Variants in EMSY observed in about 807,000 individuals in gnomAD.
The protein encoded by EMSY is BRCA2-interacting transcriptional repressor EMSY.
In EMSY, 26 loss-of-function variants were observed where a neutral mutation model predicts 134.6. The observed-to-expected ratio is 0.19, with a 90% confidence interval of 0.14 to 0.27. The LOEUF is 0.27. EMSY is among the 10% of genes least tolerant of loss of function. The pLI, the probability that EMSY is intolerant of heterozygous loss-of-function variation, is 1.00. For missense variants in EMSY, 1,305 were observed against 1,611.4 expected, an observed-to-expected ratio of 0.81 and a Z score of 3.26; for synonymous variants, 579 against 577.8, an observed-to-expected ratio of 1.00 and a Z score of -0.03.
At chr11:76,538,857 C>T (rs1261823999) in intron 16 of EMSY, among the ~76,000 whole-genome samples, 1 of 152,090 alleles carries the variant, frequency 6.6e-6, no homozygotes, top group Admixed American at 6.5e-5. Context: ...ACTCGGGAGG[C>T]TGAGTCACGA....
chr11:76,517,741 A>C (rs1476373371), intron 11 of EMSY, among the ~76,000 whole-genome samples: 2 of 152,226 alleles, frequency 1.3e-5, no homozygotes, highest in Admixed American at 6.5e-5. Context: ...ATTGAATTAT[A>C]AAACCATTCA....
intron 8 of EMSY, among the ~76,000 whole-genome samples, chr11:76,475,128 A>G (rs925854926): frequency 6.6e-6 from 1 of 152,148 alleles, no homozygotes; most frequent in Non-Finnish European, 1.5e-5. Flanking sequence ...CATGTTCCGA[A>G]TTCACCATTT....
At chr11:76,494,700 TTCCTTCCTTCCTTC>T (rs1949569698) in intron 8 of EMSY, among the ~76,000 whole-genome samples, 1 of 118,464 alleles carries the variant, frequency 8.4e-6, no homozygotes, top group South Asian at 3.4e-4. Context: ...CCTTCCTTCC[TTCCTTCCTTCCTTC>T]CTTCCTTCCT....
At chr11:76,523,704 C>CTTTTTTTTTTTTTTTTTTTT (rs746491659) in intron 12 of EMSY, among the ~76,000 whole-genome samples, 4 of 80,534 alleles carry the variant, frequency 5.0e-5, no homozygotes, top group African/African-American at 5.2e-5. Flanking sequence ...TTGTTACTTT[C>CTTTTTTTTTTTTTTTTTTTT]TTTTTTTTTT....
rs570519035 is a variant in EMSY at position 76,499,448 on chromosome 11, C to T, written c.1363+2979C>T. Among the ~76,000 whole-genome samples the T allele has an allele frequency of 2.7e-4, 41 of 151,694 alleles. 2 individuals carry two copies. The South Asian group carries it at 5.9e-3, about 22-fold the overall frequency. Reference sequence around the variant, plus strand: ...GACTACAGGCGCCTGCCACCACACCCGGCTAATTTTTTGTATTTTTAGTAG... The same window carrying T: ...GACTACAGGCGCCTGCCACCACACCTGGCTAATTTTTTGTATTTTTAGTAG... On this transcript the variant is annotated intron_variant, in intron 9 of 20. Transcript: ENST00000334736.
exon 20 of EMSY, chr11:76,546,161 G>A (rs751163897): frequency 1.9e-6 from 3 of 1,614,188 alleles, no homozygotes; most frequent in South Asian, 1.1e-5. Flanking sequence ...TCCTGTTCGA[G>A]TCCATCCACT....
intron 9 of EMSY, among the ~76,000 whole-genome samples, chr11:76,499,934 G>A (rs192021436): frequency 6.6e-6 from 1 of 151,884 alleles, no homozygotes; most frequent in African/African-American, 2.4e-5. Flanking sequence ...TTAAAAATTA[G>A]CTAGAAATGG....
intron 9 of EMSY, chr11:76,497,243 T>C (rs998781644): frequency 6.6e-6 from 1 of 152,248 alleles, no homozygotes; most frequent in Non-Finnish European, 1.5e-5. Context: ...GGTCATGATA[T>C]ATAATTTTTA....
chr11:76,507,874 T>TTTTTC (rs1950139069), intron 9 of EMSY, among the ~76,000 whole-genome samples: 1 of 148,362 alleles, frequency 6.7e-6, no homozygotes, highest in African/African-American at 2.6e-5. Flanking sequence ...TCTTTTTTTT[T>TTTTTC]TTTTTCTTTT....
At chr11:76,515,222 G>A (rs917222999) in intron 10 of EMSY, among the ~76,000 whole-genome samples, 1 of 151,100 alleles carries the variant, frequency 6.6e-6, no homozygotes, top group African/African-American at 2.4e-5. Flanking sequence ...GGGGGAGGAG[G>A]CGAGTATTGA....
intron 8 of EMSY, among the ~76,000 whole-genome samples, chr11:76,480,921 A>G (rs1465818427): frequency 6.6e-6 from 1 of 152,242 alleles, no homozygotes; most frequent in East Asian, 1.9e-4. Context: ...TTTGCAACCC[A>G]CAGACCAGGA....
intron 19 of EMSY, 179 bp downstream of exon 20, chr11:76,545,001 G>A: frequency 7.4e-6 from 5 of 674,168 alleles, no homozygotes; most frequent in East Asian, 2.7e-5. Context: ...AGAAATGCAC[G>A]CATTAATATG....
intron 8 of EMSY, among the ~76,000 whole-genome samples, chr11:76,489,639 C>T (rs1182475865): frequency 7.0e-6 from 1 of 143,764 alleles, no homozygotes; most frequent in Non-Finnish European, 1.5e-5. Context: ...GAGTCTTGCT[C>T]TATCGCCCAG....
chr11:76,487,538 G>A (rs1257720135), intron 8 of EMSY, among the ~76,000 whole-genome samples: 1 of 152,214 alleles, frequency 6.6e-6, no homozygotes, highest in African/African-American at 2.4e-5. Flanking sequence ...GTAAGTAAGT[G>A]TAAGAAAATA....
At chr11:76,544,549 G>A (rs896050220) in exon 19 of EMSY, 3 of 1,613,894 alleles carry the variant, frequency 1.9e-6, no homozygotes, top group Admixed American at 1.7e-5. Context: ...TTTCCATCAG[G>A]CATCAAAAAC....
At chr11:76,484,770 T>TA (rs1949113573) in intron 8 of EMSY, among the ~76,000 whole-genome samples, 1 of 151,844 alleles carries the variant, frequency 6.6e-6, no homozygotes, top group Non-Finnish European at 1.5e-5. Context: ...CCATCTCTAC[T>TA]AAAAATACAA....
intron 9 of EMSY, among the ~76,000 whole-genome samples, chr11:76,512,126 C>T (rs1452034804): frequency 2.0e-5 from 3 of 152,124 alleles, no homozygotes; most frequent in Non-Finnish European, 4.4e-5. Flanking sequence ...TCTATAACAA[C>T]ATATTTTAAC....
intron 13 of EMSY, 83 bp from the exon 15 acceptor site, chr11:76,528,185 A>C: frequency 8.2e-7 from 1 of 1,212,588 alleles, no homozygotes; most frequent in Non-Finnish European, 1.2e-6. Context: ...TACCAGGAAA[A>C]TATTAGTTTA....
exon 9 of EMSY, chr11:76,496,431 C>T (rs764809048): frequency 2.3e-5 from 37 of 1,614,038 alleles, no homozygotes; most frequent in Non-Finnish European, 3.0e-5. Context: ...CCTTTGCCAC[C>T]TGGTATTAAA....
Sources: gnomAD v4.1 joint callset for allele counts (sites outside exome capture counted in the v4.1 genomes callset) on GRCh38, gnomAD v4.1.1 for gene constraint, MANE v1.5 for transcripts, NCBI Gene and HGNC (gene_info 2026-07-23, HGNC 2026-07-21) for gene names.